ZMYND8: variants seen among roughly 807,000 people sequenced by gnomAD.
The protein encoded by ZMYND8 is zinc finger MYND-type containing 8.
ZMYND8 carries 37 observed loss-of-function variants against 140.8 expected under a neutral mutation model. The observed-to-expected ratio is 0.26, with a 90% CI of 0.20 to 0.35. The LOEUF is 0.35. Among genes scored for constraint, ZMYND8 ranks in the 10% least tolerant of loss-of-function variants. The pLI, the probability that ZMYND8 is intolerant of heterozygous loss-of-function variation, is 1.00. For synonymous variants in ZMYND8, 592 were observed against 597.1 expected (o/e 0.99, Z 0.12); for missense variants, 1,068 against 1,570.0 (o/e 0.68, Z 5.40).
At chr20:47,236,141 T>C (rs2039201744) in intron 16 of ZMYND8, among the ~76,000 whole-genome samples, 185 bp downstream of exon 16, 1 of 152,232 alleles carries the variant, frequency 6.6e-6, no homozygotes, top group South Asian at 2.1e-4. Context: ...ATTCAGTCCA[T>C]TCTACATTTC....
At chr20:47,339,756 G>C (rs552979127) in intron 2 of ZMYND8, among the ~76,000 whole-genome samples, 3 of 152,192 alleles carry the variant, frequency 2.0e-5, no homozygotes, top group Middle Eastern at 3.4e-3. Context: ...GATCACAGGC[G>C]TGAGTGAGGC....
chr20:47,280,558 C>T (rs1177582977), intron 10 of ZMYND8, among the ~76,000 whole-genome samples: 4 of 152,270 alleles, frequency 2.6e-5, no homozygotes, highest in Admixed American at 2.6e-4. Flanking sequence ...TGAGAGACTA[C>T]AGCCATCAAC....
At position 47,270,145 on chromosome 20, in the gene ZMYND8, C is replaced by T. The variant is rs947155249; in HGVS notation, c.1480+6169G>A. Among the ~76,000 whole-genome samples, 10 of 150,808 alleles carry T rather than the reference C, an allele frequency of 6.6e-5. No homozygotes were observed. The South Asian group carries it at 1.5e-3, about 22-fold the overall frequency. ...CTAGCTACTCAGGAGGCTGAGGCAGCGGGGACTGCTTGAGCCCAAGAGTTG... is the reference window on the plus strand; with the variant it reads ...CTAGCTACTCAGGAGGCTGAGGCAGTGGGGACTGCTTGAGCCCAAGAGTTG... On this transcript the variant is annotated intron_variant, in intron 11 of 22. Transcript: ENST00000471951.
intron 14 of ZMYND8, among the ~76,000 whole-genome samples, chr20:47,241,018 G>A (rs2039898926): frequency 6.6e-6 from 1 of 151,852 alleles, no homozygotes; most frequent in Admixed American, 6.6e-5. Context: ...ATTCTTGGCC[G>A]GGTGCAGTGG....
At chr20:47,303,653 A>AG (rs2078252024) in intron 3 of ZMYND8, among the ~76,000 whole-genome samples, 2 of 151,858 alleles carry the variant, frequency 1.3e-5, no homozygotes, top group African/African-American at 4.8e-5. Flanking sequence ...CCAAGATCAC[A>AG]CCACTGCACT....
intron 5 of ZMYND8, among the ~76,000 whole-genome samples, chr20:47,294,193 CA>C (rs34322080): frequency 2.3e-4 from 33 of 146,322 alleles, no homozygotes; most frequent in East Asian, 6.0e-4. Context: ...ACTAAAAATA[CA>C]AAAAAAAAAA....
intron 16 of ZMYND8, among the ~76,000 whole-genome samples, chr20:47,235,342 G>C (rs1271621320): frequency 6.6e-6 from 1 of 152,180 alleles, no homozygotes; most frequent in Non-Finnish European, 1.5e-5. Context: ...CAGCACATCA[G>C]TCCAGCGCAC....
At chr20:47,350,467 G>GT (rs1238229664) in intron 1 of ZMYND8, among the ~76,000 whole-genome samples, 2 of 150,356 alleles carry the variant, frequency 1.3e-5, no homozygotes, top group African/African-American at 4.9e-5. Flanking sequence ...GTGTGTGTGT[G>GT]TGTTTTTTTT....
At chr20:47,241,724 C>CCA (rs2039992953) in intron 14 of ZMYND8, among the ~76,000 whole-genome samples, 1 of 152,074 alleles carries the variant, frequency 6.6e-6, no homozygotes, top group Admixed American at 6.5e-5. Flanking sequence ...GGAACACACA[C>CCA]CACACCCAGG....
At chr20:47,255,105 G>C (rs2074491612) in intron 12 of ZMYND8, among the ~76,000 whole-genome samples, 1 of 152,130 alleles carries the variant, frequency 6.6e-6, no homozygotes, top group Non-Finnish European at 1.5e-5. Context: ...TGGGCAAACA[G>C]AGCGACGCTC....
intron 16 of ZMYND8, 60 bp from the exon 17 acceptor site, chr20:47,229,866 C>T: frequency 6.9e-7 from 1 of 1,449,120 alleles, no homozygotes; most frequent in Non-Finnish European, 9.6e-7. Context: ...TTCCTGGTGA[C>T]AAATACTTAA....
At chr20:47,290,314 A>AG in intron 6 of ZMYND8, 40 bp from the exon 7 acceptor site, 1 of 1,578,402 alleles carries the variant, frequency 6.3e-7, no homozygotes, top group Non-Finnish European at 8.7e-7. Flanking sequence ...CAGTGAGTCT[A>AG]GACAAGCCAC....
chr20:47,351,572 A>G, intron 1 of ZMYND8: 2 of 803,376 alleles, frequency 2.5e-6, no homozygotes, highest in Non-Finnish European at 3.0e-6. Context: ...TCCCCAAGGC[A>G]TAACATCTTC....
chr20:47,224,182 T>C, intron 19 of ZMYND8, 135 bp downstream of exon 19: 2 of 1,420,014 alleles, frequency 1.4e-6, no homozygotes, highest in Non-Finnish European at 1.9e-6. Context: ...TAAGACACAA[T>C]TGTTTTTGAG....
chr20:47,309,006 C>T (rs2078712956), intron 3 of ZMYND8, among the ~76,000 whole-genome samples: 1 of 152,190 alleles, frequency 6.6e-6, no homozygotes, highest in South Asian at 2.1e-4. Flanking sequence ...TCCTTCAGTG[C>T]TATGAGATCC....
At chr20:47,211,518 A>C (rs1359673056) in intron 22 of ZMYND8, among the ~76,000 whole-genome samples, 1 of 152,076 alleles carries the variant, frequency 6.6e-6, no homozygotes, top group African/African-American at 2.4e-5. Context: ...GGATGGCTTC[A>C]AGGACACATG....
chr20:47,217,201 A>G (rs1202950685), intron 21 of ZMYND8, among the ~76,000 whole-genome samples: 2 of 152,200 alleles, frequency 1.3e-5, no homozygotes, highest in Non-Finnish European at 2.9e-5. Flanking sequence ...AAAAAAGGCC[A>G]CATCTGCACG....
At chr20:47,255,837 C>T (rs528780274) in intron 12 of ZMYND8, among the ~76,000 whole-genome samples, 15 of 136,778 alleles carry the variant, frequency 1.1e-4, no homozygotes, top group South Asian at 2.3e-4. Flanking sequence ...TATATATATA[C>T]ACACACACAC....
At chr20:47,236,119 A>G (rs935283506) in intron 16 of ZMYND8, among the ~76,000 whole-genome samples, 1 of 152,222 alleles carries the variant, frequency 6.6e-6, no homozygotes, top group Non-Finnish European at 1.5e-5. Flanking sequence ...ATCTAAGCCC[A>G]CTTGGAGTAA....
Sources: gnomAD v4.1 joint callset for allele counts (sites outside exome capture counted in the v4.1 genomes callset) on GRCh38, gnomAD v4.1.1 for gene constraint, MANE v1.5 for transcripts, NCBI Gene and HGNC (gene_info 2026-07-23, HGNC 2026-07-21) for gene names.